Variants in PRKN observed in about 807,000 individuals in gnomAD.
PRKN encodes the protein E3 ubiquitin-protein ligase parkin.
A neutral mutation model predicts 59.5 loss-of-function variants in PRKN; 56 were observed. The observed-to-expected ratio is 0.94, with a 90% CI of 0.76 to 1.18. The LOEUF is 1.18. Ranked by LOEUF, PRKN falls within the 50% of genes most tolerant of loss-of-function variation. The pLI is 0.00. For missense variants in PRKN, 657 were observed against 596.4 expected (o/e 1.10, Z -1.06); for synonymous variants, 250 against 222.1 (o/e 1.13, Z -1.12).
chr6:161,659,014 G>T (rs1784451784), intron 7 of PRKN, among the ~76,000 whole-genome samples: 1 of 152,244 alleles, frequency 6.6e-6, no homozygotes, highest in Non-Finnish European at 1.5e-5. Context: ...GTTGTGCTGA[G>T]CACAGCGACT....
At chr6:161,771,292 C>G (rs757451590) in intron 7 of PRKN, among the ~76,000 whole-genome samples, 2 of 147,592 alleles carry the variant, frequency 1.4e-5, no homozygotes, top group Admixed American at 7.0e-5. Context: ...GGAGGCAGAG[C>G]TTGCAGTGAG....
chr6:162,209,362 G>A lies in PRKN; in HGVS notation c.413-8110C>T, dbSNP rs190852353. 4.1e-3 allele frequency among the ~76,000 whole-genome samples: 618 copies of A among 152,216 alleles called. 3 individuals are homozygous for A. Among genetic ancestry groups the A allele is most frequent in the African/African-American group, 0.014 (573 of 41,532 alleles). ...ACAGACACATGAAAAAATGCTCATC[G>A]TCACTGGTCATCAGAGAAATGTAAA... On this transcript the variant is annotated intron_variant, in intron 3 of 11. Transcript: ENST00000366898.
At chr6:162,490,940 C>T (rs1792781946) in intron 1 of PRKN, among the ~76,000 whole-genome samples, 2 of 152,044 alleles carry the variant, frequency 1.3e-5, no homozygotes, top group Non-Finnish European at 2.9e-5. Context: ...TCGAGGCCAC[C>T]CTGGCCAACA....
intron 1 of PRKN, among the ~76,000 whole-genome samples, chr6:162,499,317 T>G (rs1350208560): frequency 2.0e-5 from 3 of 152,302 alleles, no homozygotes; most frequent in African/African-American, 7.2e-5. Flanking sequence ...TCTTTCATAT[T>G]ATTCAAATCT....
rs1334078970 is a variant in PRKN at position 161,518,211 on chromosome 6, T to C, written c.1083+30643A>G. Among the ~76,000 whole-genome samples the C allele has an allele frequency of 6.6e-6, 1 of 152,140 alleles. No individual in the cohort carries two copies. Among genetic ancestry groups the C allele is most frequent in the African/African-American group, 2.4e-5 (1 of 41,440 alleles). ...CCATGGGGCCGGGGAGGTGGCAACA[T>C]AGGTGCATGAGAGGGGGACTGCCCC... On this transcript the variant is annotated intron_variant, in intron 9 of 11. Coordinates refer to ENST00000366898, the MANE Select transcript of PRKN (RefSeq NM_004562.3). The surrounding 1 kb of genome is among the most constrained non-coding windows in gnomAD (Gnocchi z 5.0).
chr6:161,518,736 C>T lies in PRKN; in HGVS notation c.1083+30118G>A, dbSNP rs150708396. On this transcript the variant is annotated intron_variant, in intron 9 of 11. Coordinates refer to ENST00000366898, the MANE Select transcript of PRKN (RefSeq NM_004562.3). The surrounding 1 kb of genome is among the most constrained non-coding windows in gnomAD (Gnocchi z 5.0). ...CCTCCTGCCTGCTGCAGAGGGCCGG[C>T]GGTGTGCCTTGATACTTGGCTATGC... Among the ~76,000 whole-genome samples, 589 of 152,310 alleles carry T rather than the reference C, an allele frequency of 3.9e-3. 2 individuals are homozygous for T. Among genetic ancestry groups the T allele is most frequent in the African/African-American group, 0.013 (538 of 41,566 alleles).
chr6:161,883,316 AC>A (rs1174730705), intron 6 of PRKN, among the ~76,000 whole-genome samples: 1 of 152,108 alleles, frequency 6.6e-6, no homozygotes, highest in Non-Finnish European at 1.5e-5. Flanking sequence ...AGCCTGGCCA[AC>A]ATGGTGATAC....
chr6:162,130,198 C>T lies in PRKN; in HGVS notation c.534+70933G>A, dbSNP rs187279408. On this transcript the variant is annotated intron_variant, in intron 4 of 11. Transcript: ENST00000366898. Reference sequence around the variant, plus strand: ...GCCCCACTGCCCCACAAACACCTTTCGAATGCCCACAAATGCCTCTCACCT... The same window carrying T: ...GCCCCACTGCCCCACAAACACCTTTTGAATGCCCACAAATGCCTCTCACCT... Among the ~76,000 whole-genome samples the T allele has an allele frequency of 5.9e-5, 9 of 152,062 alleles. 1 individual carries two copies. The highest frequency in any genetic ancestry group is 5.8e-4 in the East Asian group (3 of 5,182).
At chr6:162,385,711 AT>A (rs1786766121) in intron 2 of PRKN, among the ~76,000 whole-genome samples, 1 of 152,076 alleles carries the variant, frequency 6.6e-6, no homozygotes, top group Non-Finnish European at 1.5e-5. Context: ...GGGAAAGTTT[AT>A]TACCTTCATT....
In PRKN at chr6:161,366,536, T is replaced by C. The variant is rs547025584; in HGVS notation, c.1168-6331A>G. ...AAACTAAGTATGGCCTAAGAAGGAC[T>C]CCGTACTTCTGTATTTGAGTCCTTG... On this transcript the variant is annotated intron_variant, in intron 10 of 11. Coordinates refer to ENST00000366898, the MANE Select transcript of PRKN (RefSeq NM_004562.3). Among the ~76,000 whole-genome samples, 451 of 152,322 alleles carry C rather than the reference T, an allele frequency of 3.0e-3. 2 individuals are homozygous for C. The highest frequency in any genetic ancestry group is 5.1e-3 in the Non-Finnish European group (345 of 68,022).
chr6:161,435,369 T>A (rs1425753391), intron 9 of PRKN, among the ~76,000 whole-genome samples: 1 of 152,182 alleles, frequency 6.6e-6, no homozygotes, highest in Non-Finnish European at 1.5e-5. Flanking sequence ...TTGGCGATAA[T>A]CCCTAATGCA....
intron 4 of PRKN, among the ~76,000 whole-genome samples, chr6:162,074,195 C>T (rs538112516): frequency 5.8e-5 from 8 of 137,288 alleles, no homozygotes; most frequent in Non-Finnish European, 1.1e-4. Flanking sequence ...TGTTTATTGC[C>T]GCATTATTCA....
At chr6:161,522,744 T>A (rs1778880972) in intron 9 of PRKN, among the ~76,000 whole-genome samples, 1 of 152,256 alleles carries the variant, frequency 6.6e-6, no homozygotes, top group Non-Finnish European at 1.5e-5. Flanking sequence ...GTCCTATCTG[T>A]GAACATCAGT....
At chr6:162,321,856 A>C (rs561228380) in intron 2 of PRKN, among the ~76,000 whole-genome samples, 17 of 152,130 alleles carry the variant, frequency 1.1e-4, no homozygotes, top group African/African-American at 3.1e-4. Context: ...GAACTTTCTC[A>C]ACCTGATAAA....
chr6:162,185,649 A>G (rs1783997848), intron 4 of PRKN, among the ~76,000 whole-genome samples: 1 of 152,172 alleles, frequency 6.6e-6, no homozygotes, highest in South Asian at 2.1e-4. Context: ...CATTTCAGCT[A>G]ATTTTCAGCT....
At chr6:162,421,107 A>C (rs551386153) in intron 2 of PRKN, among the ~76,000 whole-genome samples, 25 of 152,134 alleles carry the variant, frequency 1.6e-4, no homozygotes, top group Non-Finnish European at 2.6e-4. Flanking sequence ...GAGATCTCTG[A>C]TTCTCCTTAA....
chr6:161,521,336 T>C (rs1348917976), intron 9 of PRKN, among the ~76,000 whole-genome samples: 4 of 152,214 alleles, frequency 2.6e-5, no homozygotes, highest in Non-Finnish European at 4.4e-5. Flanking sequence ...CATCCATTGT[T>C]GCAGGTCTGA....
At chr6:161,607,114 T>C (rs1258102120) in intron 7 of PRKN, among the ~76,000 whole-genome samples, 1 of 152,186 alleles carries the variant, frequency 6.6e-6, no homozygotes, top group Admixed American at 6.5e-5. Flanking sequence ...CAGGACATTA[T>C]TGTAGACTTT....
chr6:161,845,001 G>T (rs1356068401), intron 6 of PRKN, among the ~76,000 whole-genome samples: 1 of 152,168 alleles, frequency 6.6e-6, no homozygotes, highest in Non-Finnish European at 1.5e-5. Context: ...AAACCAGTTG[G>T]GTAGCTTTAT....
Sources: allele counts gnomAD v4.1 joint callset (sites outside exome capture counted in the v4.1 genomes callset), GRCh38; gene constraint gnomAD v4.1.1; non-coding constraint Gnocchi (gnomAD v3.1); transcripts MANE v1.5; gene names NCBI Gene and HGNC (gene_info 2026-07-23, HGNC 2026-07-21).